Variants in SLCO3A1 observed in about 807,000 individuals in gnomAD.
The protein encoded by SLCO3A1 is PGE1 transporter.
SLCO3A1 carries 27 observed loss-of-function variants against 63.1 expected under a neutral mutation model. The ratio of observed to expected loss-of-function variants is 0.43; its 90% confidence interval spans 0.32 to 0.59. SLCO3A1 has a LOEUF of 0.59. SLCO3A1 is among the 20% of genes least tolerant of loss of function. The probability of loss-of-function intolerance (pLI) is 0.09; values close to 1 mark genes in which losing one functional copy is unlikely to be tolerated. For synonymous variants in SLCO3A1, 473 were observed against 409.9 expected, an observed-to-expected ratio of 1.15 and a Z score of -1.86; for missense variants, 773 against 945.8, an observed-to-expected ratio of 0.82 and a Z score of 2.40.
chr15:91,935,135 G>A lies in SLCO3A1; in HGVS notation c.646+18677G>A, dbSNP rs558601394. 1.1e-4 allele frequency among the ~76,000 whole-genome samples: 16 copies of A among 152,254 alleles called. No individual in the cohort carries two copies. The South Asian group carries it at 2.7e-3, about 26-fold the overall frequency. Reference sequence around the variant, plus strand: ...CGCCTGGCTAATTTTTGTATTTTTAGTAGAGACAGGGTTTCACCATGTTGG... The same window carrying A: ...CGCCTGGCTAATTTTTGTATTTTTAATAGAGACAGGGTTTCACCATGTTGG... On this transcript the variant is annotated intron_variant, in intron 2 of 9. Coordinates refer to ENST00000318445, the MANE Select transcript of SLCO3A1 (RefSeq NM_013272.4).
At chr15:91,947,498 T>C (rs1263519111) in intron 2 of SLCO3A1, among the ~76,000 whole-genome samples, 6 of 152,180 alleles carry the variant, frequency 3.9e-5, no homozygotes, top group African/African-American at 1.2e-4. Context: ...TGGAGTGTTT[T>C]TGTGGGGTGA....
At chr15:92,072,201 GGT>G (rs1567103637) in intron 2 of SLCO3A1, among the ~76,000 whole-genome samples, 2 of 131,634 alleles carry the variant, frequency 1.5e-5, no homozygotes, top group African/African-American at 2.7e-5. Flanking sequence ...TCTTTTTTTT[GGT>G]TTTTTTTTTT....
At chr15:92,086,409 TGTTTTTTGA>T (rs1341939629) in intron 2 of SLCO3A1, among the ~76,000 whole-genome samples, 1 of 152,226 alleles carries the variant, frequency 6.6e-6, no homozygotes, top group Non-Finnish European at 1.5e-5. Flanking sequence ...TTGGATTTCC[TGTTTTTTGA>T]AATGCCTATT....
Position 92,163,542 on chromosome 15 carries a change from A to G in SLCO3A1, c.*407A>G. On this transcript the variant is annotated 3_prime_UTR_variant, in exon 10 of 10. Transcript: ENST00000318445. The stretch of plus-strand genomic sequence containing the variant: ...AAACATTTTTTAAAAGAAGTTTCCT[A>G]AAATAAAAAAAATTAAAAAAAAAAA... The G allele has an allele frequency of 1.1e-6, 1 of 903,956 alleles. No individual in the cohort carries two copies. The highest frequency in any genetic ancestry group is 1.3e-6 in the Non-Finnish European group (1 of 793,030). The allele number at this position is 903,956 out of a possible 1,614,324, so 56.0% of individuals were successfully genotyped here.
intron 2 of SLCO3A1, among the ~76,000 whole-genome samples, chr15:91,921,973 G>T (rs1480232347): frequency 2.6e-5 from 4 of 151,972 alleles, no homozygotes; most frequent in African/African-American, 9.7e-5. Flanking sequence ...GACCTCAAGT[G>T]CTCCGCCTGC....
intron 1 of SLCO3A1, among the ~76,000 whole-genome samples, chr15:91,878,273 C>T (rs1897454674): frequency 6.6e-6 from 1 of 151,752 alleles, no homozygotes; most frequent in African/African-American, 2.4e-5. Flanking sequence ...TTAGTAGGGA[C>T]GAAGTTCACC....
chr15:91,911,413 C>T (rs148812006), intron 1 of SLCO3A1, among the ~76,000 whole-genome samples: 83 of 152,172 alleles, frequency 5.5e-4, no homozygotes, highest in African/African-American at 1.9e-3. Context: ...GACCCCACCC[C>T]AGACCTGCAA....
In SLCO3A1 at chr15:91,870,260, T is replaced by C. The variant is rs897432972; in HGVS notation, c.180+16172T>C. Among the ~76,000 whole-genome samples, 32 of 151,234 alleles carry C rather than the reference T, an allele frequency of 2.1e-4. 2 individuals carry two copies. Among genetic ancestry groups the C allele is most frequent in the East Asian group, 1.9e-4 (1 of 5,202 alleles). ...GGAAAAATGACTGGCTGAGTAGATA[T>C]ACTTATAAAATGTATGTTCTAAAAA... On this transcript the variant is annotated intron_variant, in intron 1 of 9. Transcript: ENST00000318445.
At chr15:92,161,707 A>G (rs1395616007) in intron 9 of SLCO3A1, 1 of 152,228 alleles carries the variant, frequency 6.6e-6, no homozygotes, top group Non-Finnish European at 1.5e-5. Flanking sequence ...AAAAGCCTCA[A>G]ACAGAAGAAC....
chr15:91,889,190 T>C (rs1489283134), intron 1 of SLCO3A1: 3 of 1,284,558 alleles, frequency 2.3e-6, no homozygotes, highest in Non-Finnish European at 3.0e-6. Context: ...TGGAGATGCA[T>C]GCTCCTTAGA....
At chr15:91,949,877 C>T (rs1364216368) in intron 2 of SLCO3A1, among the ~76,000 whole-genome samples, 3 of 151,836 alleles carry the variant, frequency 2.0e-5, no homozygotes, top group Admixed American at 6.6e-5. Flanking sequence ...CGTGGTGCTG[C>T]ACACCTGTGT....
At position 91,971,327 on chromosome 15, in the gene SLCO3A1, G is replaced by A. The variant is rs372143444; in HGVS notation, c.646+54869G>A. On this transcript the variant is annotated intron_variant, in intron 2 of 9. Transcript: ENST00000318445. The stretch of plus-strand genomic sequence containing the variant: ...GGACAATGGGGTGAACCCGGGAGGC[G>A]GAGCTTGCAGTGAGCCGAGGTCGTG... Among the ~76,000 whole-genome samples, 78 of 142,174 alleles carry A rather than the reference G, an allele frequency of 5.5e-4. No homozygotes were observed. In the East Asian group the frequency reaches 0.013, roughly 24 times the overall value. 93.3% of individuals were successfully genotyped at this position (142,174 alleles called of 152,430 possible).
intron 7 of SLCO3A1, among the ~76,000 whole-genome samples, chr15:92,137,528 A>G (rs2048075008): frequency 9.5e-6 from 1 of 105,238 alleles, no homozygotes; most frequent in South Asian, 2.7e-4. Flanking sequence ...TTCTAGTTCT[A>G]GATCCCTGAG....
At chr15:91,918,815 G>A (rs892745819) in intron 2 of SLCO3A1, among the ~76,000 whole-genome samples, 10 of 152,220 alleles carry the variant, frequency 6.6e-5, no homozygotes, top group African/African-American at 2.4e-4. Context: ...GAGGAGGAAA[G>A]TCTCAAGGGA....
intron 9 of SLCO3A1, among the ~76,000 whole-genome samples, chr15:92,152,459 G>C (rs1287715508): frequency 6.6e-6 from 1 of 152,250 alleles, no homozygotes; most frequent in Non-Finnish European, 1.5e-5. Flanking sequence ...TCATGGAAAA[G>C]AGAAGTGCTC....
intron 1 of SLCO3A1, among the ~76,000 whole-genome samples, chr15:91,905,247 T>A (rs1898265871): frequency 6.6e-6 from 1 of 152,236 alleles, no homozygotes; most frequent in Non-Finnish European, 1.5e-5. Flanking sequence ...ACCTTAATTT[T>A]AAAAATATCT....
rs1234881655 is a variant in SLCO3A1, at chr15:91,875,420, G to A, written c.180+21332G>A. ...TTACTCTCTCCACAGGGTAAAAACT[G>A]GACTCTGGAGCAAGAGACTGCCTGG... On this transcript the variant is annotated intron_variant, in intron 1 of 9. Transcript: ENST00000318445. This position sits in a 1 kb window ranked among gnomAD's most constrained non-coding sequence, Gnocchi z 4.5. 6.6e-6 allele frequency among the ~76,000 whole-genome samples: 1 copy of A among 152,206 alleles called. No homozygotes were observed. Among genetic ancestry groups the A allele is most frequent in the Non-Finnish European group, 1.5e-5 (1 of 68,050 alleles).
At chr15:92,017,291 G>GGC (rs879905883) in intron 2 of SLCO3A1, among the ~76,000 whole-genome samples, 30 of 152,178 alleles carry the variant, frequency 2.0e-4, no homozygotes, top group Admixed American at 5.2e-4. Context: ...GGATTGGGGG[G>GGC]GGGTAGGGAA....
At chr15:91,899,206 T>C (rs1898086871) in intron 1 of SLCO3A1, among the ~76,000 whole-genome samples, 1 of 152,166 alleles carries the variant, frequency 6.6e-6, no homozygotes, top group Non-Finnish European at 1.5e-5. Context: ...GCCAACACAA[T>C]GTCTGTAACC....
Sources: gnomAD v4.1 joint callset for allele counts (sites outside exome capture counted in the v4.1 genomes callset) on GRCh38, gnomAD v4.1.1 for gene constraint, Gnocchi (gnomAD v3.1) non-coding constraint, MANE v1.5 for transcripts, NCBI Gene and HGNC (gene_info 2026-07-23, HGNC 2026-07-21) for gene names.